NCOA6: variants seen among roughly 807,000 people sequenced by gnomAD.
The protein encoded by NCOA6 is nuclear receptor coactivator 6.
Under a neutral mutation model 171.4 loss-of-function variants are expected in NCOA6, and 49 were observed. The ratio of observed to expected loss-of-function variants is 0.29; its 90% CI spans 0.23 to 0.36. The LOEUF (loss-of-function observed/expected upper bound fraction) is 0.36. NCOA6 is among the 10% of genes least tolerant of loss of function. The pLI is 1.00. For synonymous variants in NCOA6, 910 were observed against 927.5 expected (o/e 0.98, Z 0.34); for missense variants, 2,248 against 2,554.5 (o/e 0.88, Z 2.59).
intron 3 of NCOA6, among the ~76,000 whole-genome samples, chr20:34,778,361 A>G (rs2077406321): frequency 6.6e-6 from 1 of 152,172 alleles, no homozygotes; most frequent in Admixed American, 6.5e-5. Context: ...CAGATAGTAG[A>G]ATGGTGGTTT....
At chr20:34,740,062 C>T (rs569832802) in intron 11 of NCOA6, among the ~76,000 whole-genome samples, 3 of 152,248 alleles carry the variant, frequency 2.0e-5, no homozygotes, top group Non-Finnish European at 4.4e-5. Context: ...GCAGTTTCAC[C>T]ATGTTGGCCA....
At chr20:34,822,703 A>G (rs2079043977) in intron 1 of NCOA6, among the ~76,000 whole-genome samples, 1 of 152,206 alleles carries the variant, frequency 6.6e-6, no homozygotes, top group Admixed American at 6.5e-5. Context: ...GCCTTGAGGC[A>G]CAGTAAACGT....
At chr20:34,746,751 C>G (rs2076315506) in intron 10 of NCOA6, 56 bp downstream of exon 10, 1 of 1,493,894 alleles carries the variant, frequency 6.7e-7, no homozygotes, top group Admixed American at 2.0e-5. Context: ...ACATGGAAGC[C>G]TTGTAATGCC....
chr20:34,788,360 G>T (rs543187124), intron 2 of NCOA6, among the ~76,000 whole-genome samples: 153 of 152,200 alleles, frequency 1.0e-3, no homozygotes, highest in African/African-American at 3.6e-3. Context: ...CATCGTGCCT[G>T]GCCTATACCT....
chr20:34,770,675 G>GGCTGCT (rs1338442502), intron 4 of NCOA6, among the ~76,000 whole-genome samples: 3 of 151,496 alleles, frequency 2.0e-5, no homozygotes, highest in Non-Finnish European at 4.4e-5. Flanking sequence ...CTGTTGCCTG[G>GGCTGCT]GCTGCAGTGC....
chr20:34,729,174 C>A (rs1289309527), intron 13 of NCOA6, among the ~76,000 whole-genome samples: 1 of 152,226 alleles, frequency 6.6e-6, no homozygotes, highest in Admixed American at 6.5e-5. Context: ...TGGTCTCGAA[C>A]TCCTGACCTC....
chr20:34,746,930 TAAAAAAAAAAAA>T lies in NCOA6; in HGVS notation c.2793-14_2793-3del. 8.8e-7 allele frequency: 1 copy of T among 1,138,198 alleles called. No individual in the cohort carries two copies. The highest frequency in any genetic ancestry group is 1.1e-6 in the Non-Finnish European group (1 of 920,250). The allele number at this position is 1,138,198 out of a possible 1,614,324, so 70.5% of individuals were successfully genotyped here. A position where few individuals can be genotyped will look rare whatever the true frequency, so the allele number is the denominator to read the frequency against. Reference sequence around the variant, plus strand: ...CCAGCTGGGCGAGTATCTGGGGTGCTAAAAAAAAAAAAAAAAAAAAAAGTGACATATTTTAGA... The same window carrying T: ...CCAGCTGGGCGAGTATCTGGGGTGCTAAAAAAAAAAGTGACATATTTTAGA... On this transcript the variant is annotated splice_polypyrimidine_tract_variant and splice_region_variant and intron_variant, in intron 9 of 14. Coordinates refer to ENST00000359003, the MANE Select transcript of NCOA6 (RefSeq NM_014071.5).
chr20:34,783,000 G>T (rs2077555253), intron 2 of NCOA6, among the ~76,000 whole-genome samples: 1 of 152,128 alleles, frequency 6.6e-6, no homozygotes, highest in Admixed American at 6.6e-5. Flanking sequence ...TATATGAAAG[G>T]GCTGGGCGCA....
At chr20:34,752,448 A>T (rs1987571027) in intron 8 of NCOA6, among the ~76,000 whole-genome samples, 1 of 152,212 alleles carries the variant, frequency 6.6e-6, no homozygotes, top group African/African-American at 2.4e-5. Flanking sequence ...TAACATCAAT[A>T]AACAAGACAG....
chr20:34,770,259 C>T (rs2077108391), intron 4 of NCOA6, among the ~76,000 whole-genome samples: 1 of 152,020 alleles, frequency 6.6e-6, no homozygotes, highest in Admixed American at 6.6e-5. Flanking sequence ...AGGATGGTCT[C>T]GATCTTTTGA....
At position 34,783,163 on chromosome 20, in the gene NCOA6, C is replaced by T. The variant is rs141559534; in HGVS notation, c.-49-759G>A. 6.0e-3 allele frequency among the ~76,000 whole-genome samples: 905 copies of T among 152,068 alleles called. 10 individuals are homozygous for T. The highest frequency in any genetic ancestry group is 0.021 in the African/African-American group (875 of 41,472). ...GGACATGGTGGTGTATGCCTGTAAT[C>T]CCAGCTACTAGGGAGGCTGAGGCAG... is the stretch of plus-strand genomic sequence containing the variant. On this transcript the variant is annotated intron_variant, in intron 2 of 14. Transcript: ENST00000359003.
rs774114354 is a variant in NCOA6 at position 34,782,306 on chromosome 20, C to T, written c.50G>A (p.Cys17Tyr). Residue 17 changes from cysteine (C) to tyrosine (Y), a missense_variant, in exon 3 of 15, where the codon TGT becomes TAT. This residue lies in a region of NCOA6 where 987 missense variants were observed against 1,104.7 expected (regional missense o/e 0.89). Transcript: ENST00000359003. ...CTCTGAGTCTTCCATTGTTGATGAA[C>T]ACAAGGAAGTATAGATGTCTTCTAA... Reference protein sequence around the residue: ...PNLEDIYTSLCSSTMEDSEMD... With the variant: ...PNLEDIYTSLYSSTMEDSEMD... 2 of 1,612,584 alleles carry T rather than the reference C, an allele frequency of 1.2e-6. No homozygotes were observed. Among genetic ancestry groups the T allele is most frequent in the East Asian group, 2.2e-5 (1 of 44,740 alleles).
intron 1 of NCOA6, among the ~76,000 whole-genome samples, chr20:34,808,748 T>C (rs1040162389): frequency 2.0e-5 from 3 of 152,182 alleles, no homozygotes; most frequent in Admixed American, 2.0e-4. Flanking sequence ...TTGTCTGCAC[T>C]TTAGATCTTC....
At chr20:34,823,586 G>A (rs928380128) in intron 1 of NCOA6, among the ~76,000 whole-genome samples, 1 of 152,038 alleles carries the variant, frequency 6.6e-6, no homozygotes, top group East Asian at 1.9e-4. Flanking sequence ...TCTCTAACAT[G>A]ATCCAACTTC....
At chr20:34,732,925 C>A (rs956367887) in intron 12 of NCOA6, 1 of 187,506 alleles carries the variant, frequency 5.3e-6, no homozygotes, top group East Asian at 1.3e-4. Flanking sequence ...TGGAAGAGAC[C>A]GTTTTCATTT....
At chr20:34,739,957 G>C (rs2076079573) in intron 11 of NCOA6, among the ~76,000 whole-genome samples, 1 of 152,114 alleles carries the variant, frequency 6.6e-6, no homozygotes, top group African/African-American at 2.4e-5. Flanking sequence ...TCTGCTCCCA[G>C]GTTCAAGCTA....
chr20:34,784,660 AG>A (rs2077614061), intron 2 of NCOA6, among the ~76,000 whole-genome samples: 1 of 152,292 alleles, frequency 6.6e-6, no homozygotes, highest in South Asian at 2.1e-4. Flanking sequence ...GCATGCCTAT[AG>A]CCCCAGCTAC....
intron 5 of NCOA6, among the ~76,000 whole-genome samples, chr20:34,762,712 A>T (rs1421690982): frequency 6.6e-6 from 1 of 152,108 alleles, no homozygotes; most frequent in African/African-American, 2.4e-5. Context: ...CATGCTTATC[A>T]ATTATTTAGC....
At chr20:34,771,236 C>T (rs914338683) in intron 4 of NCOA6, among the ~76,000 whole-genome samples, 3 of 152,168 alleles carry the variant, frequency 2.0e-5, no homozygotes, top group Non-Finnish European at 4.4e-5. Context: ...CTTCCCACAT[C>T]AGCTTCCCAA....
Sources: allele counts gnomAD v4.1 joint callset (sites outside exome capture counted in the v4.1 genomes callset), GRCh38; gene constraint gnomAD v4.1.1; regional missense constraint gnomAD v4.1.1; transcripts MANE v1.5; gene names NCBI Gene and HGNC (gene_info 2026-07-23, HGNC 2026-07-21).